REV3L: variants seen among roughly 807,000 people sequenced by gnomAD.
The protein encoded by REV3L is DNA polymerase zeta catalytic subunit.
Under a neutral mutation model 299.4 loss-of-function variants are expected in REV3L, and 69 were observed. The ratio of observed to expected loss-of-function variants is 0.23; its 90% CI spans 0.19 to 0.28. The LOEUF is 0.28. Among genes scored for constraint, REV3L ranks in the 10% least tolerant of loss-of-function variants. REV3L has a pLI of 1.00. For synonymous variants in REV3L, 1,238 were observed against 1,271.4 expected, an observed-to-expected ratio of 0.97 and a Z score of 0.56; for missense variants, 3,128 against 3,693.8, an observed-to-expected ratio of 0.85 and a Z score of 3.97.
At chr6:111,422,649 CAT>C (rs58760555) in intron 1 of REV3L, among the ~76,000 whole-genome samples, 989 of 22,506 alleles carry the variant, frequency 0.044, 163 homozygotes, top group African/African-American at 0.11. Flanking sequence ...TATATATATA[CAT>C]ATATATATAT....
In REV3L at chr6:111,307,101, A is replaced by G. The variant is rs186092747; in HGVS notation, c.9252+260T>C. ...GATGCTCAACCTGTATTATAAAAGA[A>G]ATTGGATGGATGGCCATTCTTGTTG... On this transcript the variant is annotated intron_variant, in intron 31 of 31. Coordinates refer to ENST00000368802, the MANE Select transcript of REV3L (RefSeq NM_001372078.1). 5.3e-5 allele frequency among the ~76,000 whole-genome samples: 8 copies of G among 152,284 alleles called. No individual in the cohort carries two copies. The East Asian group carries it at 1.5e-3, about 29-fold the overall frequency.
At position 111,305,973 on chromosome 6, in the gene REV3L, ATTCC is replaced by A. The variant is rs17511553; in HGVS notation, c.9252+1384_9252+1387del. Reference sequence around the variant, plus strand: ...TGGTTGGTAATAACTCCAGTGATATATTCCTTCTTTAATCATGCATTAACCAGGA... The same window carrying A: ...TGGTTGGTAATAACTCCAGTGATATATTCTTTAATCATGCATTAACCAGGA... On this transcript the variant is annotated intron_variant, in intron 31 of 31. Transcript: ENST00000368802. Among the ~76,000 whole-genome samples, 1,338 of 152,354 alleles carry A rather than the reference ATTCC, an allele frequency of 8.8e-3. 5 individuals carry two copies. The highest frequency in any genetic ancestry group is 0.014 in the Non-Finnish European group (943 of 68,032).
chr6:111,413,297 A>G (rs1025601271), intron 2 of REV3L, among the ~76,000 whole-genome samples: 8 of 152,142 alleles, frequency 5.3e-5, no homozygotes, highest in Admixed American at 3.3e-4. Context: ...GGGGGAAAAA[A>G]GTAGAATGGA....
At chr6:111,333,036 A>G (rs764951830) in intron 23 of REV3L, 87 bp downstream of exon 23, 39 of 1,491,056 alleles carry the variant, frequency 2.6e-5, no homozygotes, top group Non-Finnish European at 3.4e-5. Flanking sequence ...GAAGGTGTCC[A>G]GAGCAAAGAG....
chr6:111,375,528 T>C lies in REV3L; in HGVS notation c.2827A>G (p.Ile943Val). 1 of 1,613,434 alleles carries C rather than the reference T, an allele frequency of 6.2e-7. No homozygotes were observed. The highest frequency in any genetic ancestry group is 8.5e-7 in the Non-Finnish European group (1 of 1,179,802). ...ESSFVTHNSK[I>V]SLPHPMEIGE... Reference sequence around the variant, plus strand: ...ATTTCCATGGGATGAGGTAGACTAATTTTTGAGTTGTGAGTTACAAAACTT... The same window carrying C: ...ATTTCCATGGGATGAGGTAGACTAACTTTTGAGTTGTGAGTTACAAAACTT... Residue 943 changes from isoleucine to valine, a missense_variant, in exon 13 of 32, where the codon ATT becomes GTT. Ile to Val is a conservative substitution (Grantham distance 29). This residue lies in a region of REV3L where 2,409 missense variants were observed against 2,611.8 expected (regional missense o/e 0.92). Coordinates refer to ENST00000368802, the MANE Select transcript of REV3L (RefSeq NM_001372078.1).
At chr6:111,313,317 T>G in intron 28 of REV3L, 35 bp downstream of exon 28, 1 of 1,580,896 alleles carries the variant, frequency 6.3e-7, no homozygotes, top group Non-Finnish European at 8.6e-7. Flanking sequence ...AGCCACTTAT[T>G]TCTTACAGAT....
At chr6:111,427,341 A>G (rs1786297018) in intron 1 of REV3L, among the ~76,000 whole-genome samples, 1 of 152,236 alleles carries the variant, frequency 6.6e-6, no homozygotes, top group Admixed American at 6.5e-5. Flanking sequence ...CATATATTTC[A>G]TAAGGGACTT....
chr6:111,311,777 TAACC>T (rs1773002255), intron 28 of REV3L: 3 of 152,140 alleles, frequency 2.0e-5, no homozygotes, highest in Admixed American at 2.0e-4. Context: ...TACTAGGAAA[TAACC>T]AGCATGCAGT....
intron 1 of REV3L, among the ~76,000 whole-genome samples, chr6:111,429,892 G>C (rs1786678155): frequency 6.6e-6 from 1 of 152,130 alleles, no homozygotes; most frequent in Admixed American, 6.5e-5. Context: ...AGAAGCCCTT[G>C]AAGCTGGTCC....
chr6:111,309,552 G>C, intron 30 of REV3L: 1 of 217,012 alleles, frequency 4.6e-6, no homozygotes, highest in Non-Finnish European at 9.0e-6. Flanking sequence ...TAGGGTCTCG[G>C]GTTTTTATAG....
intron 1 of REV3L, among the ~76,000 whole-genome samples, chr6:111,453,710 G>A (rs1789819937): frequency 6.6e-6 from 1 of 152,132 alleles, no homozygotes; most frequent in Non-Finnish European, 1.5e-5. Context: ...ACAGCTGGGT[G>A]CGGTGGCTCA....
At chr6:111,483,368 T>C, upstream of REV3L, 1 of 462,198 alleles carries the variant, frequency 2.2e-6, no homozygotes, top group Non-Finnish European at 3.8e-6. Context: ...AGGGGCTTTC[T>C]CCCCCTCCCC....
chr6:111,444,393 A>G (rs539460208), intron 1 of REV3L, among the ~76,000 whole-genome samples: 6 of 152,328 alleles, frequency 3.9e-5, no homozygotes, highest in Middle Eastern at 3.4e-3. Context: ...CAAAAGAAAA[A>G]GCTATGACTT....
intron 3 of REV3L, among the ~76,000 whole-genome samples, chr6:111,409,360 C>CT (rs35615971): frequency 3.2e-3 from 439 of 135,278 alleles, no homozygotes; most frequent in East Asian, 5.3e-3. Context: ...GTGAAACCGG[C>CT]TTTTTTTTTT....
intron 29 of REV3L, 23 bp from the exon 30 acceptor site, chr6:111,310,122 A>G: frequency 6.6e-7 from 1 of 1,508,832 alleles, no homozygotes; most frequent in East Asian, 2.3e-5. Flanking sequence ...AAAGAAAAAA[A>G]CCACACCCAA....
At chr6:111,478,146 A>G (rs767155563) in intron 1 of REV3L, among the ~76,000 whole-genome samples, 1 of 152,206 alleles carries the variant, frequency 6.6e-6, no homozygotes, top group Non-Finnish European at 1.5e-5. Flanking sequence ...AATTCCTTTA[A>G]CATGACTAAT....
intron 1 of REV3L, among the ~76,000 whole-genome samples, chr6:111,422,584 A>G (rs1785507549): frequency 1.9e-5 from 1 of 53,278 alleles, no homozygotes; most frequent in Non-Finnish European, 4.5e-5. Context: ...ATACACATAT[A>G]TATATATATA....
chr6:111,386,618 C>A (rs7766610), intron 9 of REV3L, among the ~76,000 whole-genome samples: 111,335 of 151,832 alleles, frequency 0.73, 41,502 homozygotes, highest in Non-Finnish European at 0.81. Flanking sequence ...TTTTTAGTGA[C>A]GTTTATTCTT....
Position 111,373,102 on chromosome 6 carries a change from T to C in REV3L, c.5253A>G (p.Leu1751=), listed in dbSNP as rs758234502. Residue 1751 remains leucine, a synonymous_variant, in exon 13 of 32, where the codon CTA becomes CTG. Coordinates refer to ENST00000368802, the MANE Select transcript of REV3L (RefSeq NM_001372078.1). Reference sequence around the variant, plus strand: ...CCATTATTGAGTTAGACCGAGTTGTTAGAGGATGAAAGCTATTTTTCCACT... The same window carrying C: ...CCATTATTGAGTTAGACCGAGTTGTCAGAGGATGAAAGCTATTTTTCCACT... The part of the protein sequence containing the change: ...HNQWKNSFHP[L]TTRSNSIMDS... The C allele has an allele frequency of 1.2e-6, 2 of 1,614,106 alleles. No individual in the cohort carries two copies. The highest frequency in any genetic ancestry group is 1.7e-6 in the Non-Finnish European group (2 of 1,179,990).
Sources: allele counts gnomAD v4.1 joint callset (sites outside exome capture counted in the v4.1 genomes callset), GRCh38; gene constraint gnomAD v4.1.1; regional missense constraint gnomAD v4.1.1; transcripts MANE v1.5; gene names NCBI Gene and HGNC (gene_info 2026-07-23, HGNC 2026-07-21).